Variants in APELA observed in about 807,000 individuals in gnomAD.
APELA encodes the protein protein Elabela.
intron 2 of APELA, among the ~76,000 whole-genome samples, chr4:164,892,062 G>T (rs1037523543): frequency 2.6e-5 from 4 of 152,112 alleles, no homozygotes; most frequent in Non-Finnish European, 5.9e-5. Flanking sequence ...TGTAATTCCA[G>T]CACTTCGGGA....
intron 2 of APELA, among the ~76,000 whole-genome samples, chr4:164,891,082 T>C (rs1431476059): frequency 6.6e-6 from 1 of 152,166 alleles, no homozygotes; most frequent in African/African-American, 2.4e-5. Flanking sequence ...TGTCTTTATA[T>C]CGTTGAGCTG....
Position 164,895,466 on chromosome 4 carries a change from G to T in APELA, c.*52G>T, listed in dbSNP as rs773442704. 8 of 152,134 alleles carry T rather than the reference G, an allele frequency of 5.3e-5. No homozygotes were observed. Among genetic ancestry groups the T allele is most frequent in the Non-Finnish European group, 1.2e-4 (8 of 68,030 alleles). 9.4% of individuals were successfully genotyped at this position (152,134 alleles called of 1,614,324 possible). A position where few individuals can be genotyped will look rare whatever the true frequency, so the allele number is the denominator to read the frequency against. ...CTATCAGAAGAAGAAGAGGAGTGAA[G>T]GAAAGACACCCAGCCACACAAAAGA... On this transcript the variant is annotated 3_prime_UTR_variant, in exon 3 of 3. Transcript: ENST00000507152.
At chr4:164,878,751 C>A (rs1417171986) in intron 1 of APELA, among the ~76,000 whole-genome samples, 169 bp from the exon 2 acceptor site, 1 of 152,156 alleles carries the variant, frequency 6.6e-6, no homozygotes, top group Non-Finnish European at 1.5e-5. Context: ...CTGTTAGGAA[C>A]ACCCCTTGTG....
intron 2 of APELA, among the ~76,000 whole-genome samples, chr4:164,880,191 A>C (rs150596576): frequency 1.3e-5 from 2 of 152,220 alleles, no homozygotes; most frequent in South Asian, 4.1e-4. Flanking sequence ...AGTAGCTTTT[A>C]CGGTTCCATT....
chr4:164,889,469 ATTAT>A (rs1223491684), intron 2 of APELA, among the ~76,000 whole-genome samples: 5 of 152,184 alleles, frequency 3.3e-5, no homozygotes, highest in Non-Finnish European at 7.3e-5. Flanking sequence ...ATATATACAC[ATTAT>A]TTAAACACAT....
intron 2 of APELA, among the ~76,000 whole-genome samples, chr4:164,884,151 G>GAAAT (rs759179945): frequency 6.8e-6 from 1 of 147,496 alleles, no homozygotes; most frequent in Non-Finnish European, 1.5e-5. Flanking sequence ...AAGAAAGAAA[G>GAAAT]AAAGAAAGGA....
At chr4:164,888,094 A>G (rs1241763902) in intron 2 of APELA, among the ~76,000 whole-genome samples, 3 of 152,176 alleles carry the variant, frequency 2.0e-5, no homozygotes, top group Admixed American at 1.3e-4. Flanking sequence ...TGCAAGGTAT[A>G]ATAAAATGTA....
chr4:164,898,212 T>A (rs1343112003), downstream of APELA, among the ~76,000 whole-genome samples: 1 of 151,424 alleles, frequency 6.6e-6, no homozygotes, highest in East Asian at 2.0e-4. Context: ...GTATTAAAAG[T>A]TCTTTGTGGC....
chr4:164,880,962 G>A (rs77480913), intron 2 of APELA, among the ~76,000 whole-genome samples: 18,523 of 152,098 alleles, frequency 0.12, 1,195 homozygotes, highest in African/African-American at 0.17. Context: ...TTTTAGACTC[G>A]TTCTACATTT....
rs184559954 is a variant in APELA, at chr4:164,877,469, G to A, written c.76+62G>A. 2.0e-3 allele frequency: 812 copies of A among 398,752 alleles called. 4 individuals carry two copies. The highest frequency in any genetic ancestry group is 6.9e-3 in the South Asian group (54 of 7,848). 24.7% of individuals were successfully genotyped at this position (398,752 alleles called of 1,614,324 possible). A position where few individuals can be genotyped will look rare whatever the true frequency, so the allele number is the denominator to read the frequency against. Reference sequence around the variant, plus strand: ...TGCCTGTTTGCATCCCTGGGTCTCTGAGCATGATTGTGTTTATCTGAAAAC... The same window carrying A: ...TGCCTGTTTGCATCCCTGGGTCTCTAAGCATGATTGTGTTTATCTGAAAAC... On this transcript the variant is annotated intron_variant, in intron 1 of 2. Coordinates refer to ENST00000507152, the MANE Select transcript of APELA (RefSeq NM_001297550.2).
rs138364412 is a variant in APELA at position 164,894,432 on chromosome 4, T to A, written c.*2-984T>A. On this transcript the variant is annotated intron_variant, in intron 2 of 2. Coordinates refer to ENST00000507152, the MANE Select transcript of APELA (RefSeq NM_001297550.2). The stretch of plus-strand genomic sequence containing the variant: ...TTCTTTATTTTTTTATTTTTTTATT[T>A]TTTTGAGAGAGTCTTGCTCTGTCAC... Among the ~76,000 whole-genome samples, 426 of 149,858 alleles carry A rather than the reference T, an allele frequency of 2.8e-3. 3 individuals carry two copies. Among genetic ancestry groups the A allele is most frequent in the African/African-American group, 0.01 (399 of 39,394 alleles).
chr4:164,894,540 G>A (rs1476518471), intron 2 of APELA, among the ~76,000 whole-genome samples: 2 of 151,848 alleles, frequency 1.3e-5, no homozygotes, highest in Admixed American at 6.6e-5. Context: ...CCTCAGCGGG[G>A]AATATAGGCA....
rs1025956370 is a variant in APELA, at chr4:164,895,602, T to C, written c.*188T>C. ...TTCACAGGATTTTATTCTTCTTGGC[T>C]TCTATTTGGAGGGAAAATAACATAA... is the stretch of plus-strand genomic sequence containing the variant. On this transcript the variant is annotated 3_prime_UTR_variant, in exon 3 of 3. Transcript: ENST00000507152. 1 of 152,246 alleles carries C rather than the reference T, an allele frequency of 6.6e-6. No individual in the cohort carries two copies. The highest frequency in any genetic ancestry group is 2.4e-5 in the African/African-American group (1 of 41,468). 9.4% of individuals were successfully genotyped at this position (152,246 alleles called of 1,614,324 possible). A position where few individuals can be genotyped will look rare whatever the true frequency, so the allele number is the denominator to read the frequency against.
chr4:164,890,922 A>G (rs553611151), intron 2 of APELA, among the ~76,000 whole-genome samples: 6 of 152,256 alleles, frequency 3.9e-5, no homozygotes, highest in African/African-American at 1.4e-4. Flanking sequence ...GCTGTCCTAG[A>G]GGGTGTGAAG....
chr4:164,878,774 A>G (rs1016900395), intron 1 of APELA, 146 bp from the exon 2 acceptor site: 3 of 395,446 alleles, frequency 7.6e-6, no homozygotes, highest in Admixed American at 4.4e-5. Context: ...TATGCATCAC[A>G]TTGGTTTTTA....
chr4:164,885,095 C>CA (rs201890124), intron 2 of APELA, among the ~76,000 whole-genome samples: 9 of 149,956 alleles, frequency 6.0e-5, no homozygotes, highest in Non-Finnish European at 8.9e-5. Context: ...TATTTTCAGC[C>CA]AAAAAAAAAG....
chr4:164,879,240 T>C (rs1319515527), intron 2 of APELA: 2 of 345,578 alleles, frequency 5.8e-6, no homozygotes, highest in African/African-American at 4.2e-5. Context: ...AGGAAAATCT[T>C]GATAACTGTT....
At chr4:164,885,337 G>T (rs111960149) in intron 2 of APELA, among the ~76,000 whole-genome samples, 14,010 of 152,074 alleles carry the variant, frequency 0.092, 720 homozygotes, top group Middle Eastern at 0.14. Context: ...CACCATGTTG[G>T]CCAGGTTGGT....
At chr4:164,894,303 C>A (rs527959423) in intron 2 of APELA, among the ~76,000 whole-genome samples, 3 of 151,938 alleles carry the variant, frequency 2.0e-5, no homozygotes, top group African/African-American at 7.3e-5. Context: ...TCAACCTGGG[C>A]GACAAACATG....
Sources: gnomAD v4.1 joint callset for allele counts (sites outside exome capture counted in the v4.1 genomes callset) on GRCh38, gnomAD v4.1.1 for gene constraint, MANE v1.5 for transcripts, NCBI Gene and HGNC (gene_info 2026-07-23, HGNC 2026-07-21) for gene names.